SETBP1: variants seen among roughly 807,000 people sequenced by gnomAD.
SETBP1 encodes the protein SET binding protein 1.
SETBP1 carries 9 observed loss-of-function variants against 101.0 expected under a neutral mutation model. The ratio of observed to expected loss-of-function variants is 0.09; its 90% CI spans 0.05 to 0.16. The LOEUF (loss-of-function observed/expected upper bound fraction) is 0.16, where lower values mean the gene tolerates loss of function less well. SETBP1 is among the 10% of genes least tolerant of loss of function. SETBP1 has a pLI of 1.00. For synonymous variants in SETBP1, 818 were observed against 788.5 expected, an observed-to-expected ratio of 1.04 and a Z score of -0.63; for missense variants, 1,858 against 2,033.8, an observed-to-expected ratio of 0.91 and a Z score of 1.66.
intron 4 of SETBP1, among the ~76,000 whole-genome samples, chr18:45,011,478 A>G (rs1041929615): frequency 1.3e-5 from 2 of 152,236 alleles, no homozygotes; most frequent in Non-Finnish European, 2.9e-5. Context: ...CTCAGTGGAA[A>G]TCACCATGCT....
chr18:44,936,016 G>T (rs1444747385), intron 3 of SETBP1, among the ~76,000 whole-genome samples: 1 of 152,218 alleles, frequency 6.6e-6, no homozygotes, highest in Non-Finnish European at 1.5e-5. Flanking sequence ...CAAAGCCTCA[G>T]TGAAGAATAG....
Position 45,048,559 on chromosome 18 carries a change from G to A in SETBP1, c.4171+9904G>A, listed in dbSNP as rs16978260. ...GTCCAAGTCCCCTACCCTTGAGGGC[G>A]TTAGTGGCTATATCAAGCTCATCTT... On this transcript the variant is annotated intron_variant, in intron 5 of 5. Transcript: ENST00000649279. 8.1e-3 allele frequency among the ~76,000 whole-genome samples: 1,236 copies of A among 152,156 alleles called. 21 individuals carry two copies. The highest frequency in any genetic ancestry group is 0.028 in the African/African-American group (1,157 of 41,508).
rs181550276 is a variant in SETBP1, at chr18:45,027,896, G to C, written c.4001-10589G>C. On this transcript the variant is annotated intron_variant, in intron 4 of 5. Transcript: ENST00000649279. ...ACTGTAGGAGATAATCCATTTCCTT[G>C]TTTTCTAGCTTCTAGATGCCATCTG... Among the ~76,000 whole-genome samples the C allele has an allele frequency of 5.3e-5, 8 of 152,230 alleles. No individual in the cohort carries two copies. The East Asian group carries it at 1.5e-3, about 29-fold the overall frequency.
intron 2 of SETBP1, among the ~76,000 whole-genome samples, chr18:44,818,127 T>C (rs1397278776): frequency 6.6e-6 from 1 of 152,222 alleles, no homozygotes; most frequent in Non-Finnish European, 1.5e-5. Context: ...TCCAGGAAGC[T>C]GCAAGTCAGG....
chr18:44,921,884 C>T (rs2144937096), intron 3 of SETBP1, among the ~76,000 whole-genome samples: 1 of 152,278 alleles, frequency 6.6e-6, no homozygotes, highest in South Asian at 2.1e-4. Flanking sequence ...CAGCAAATGG[C>T]TTTCCAGGGC....
intron 1 of SETBP1, among the ~76,000 whole-genome samples, chr18:44,694,972 A>G (rs2068991497): frequency 6.6e-6 from 1 of 152,238 alleles, no homozygotes; most frequent in Non-Finnish European, 1.5e-5. Flanking sequence ...AATCAGCTGA[A>G]AAGTGGATGC....
chr18:45,040,010 G>A (rs372424170), intron 5 of SETBP1, among the ~76,000 whole-genome samples: 48 of 152,134 alleles, frequency 3.2e-4, no homozygotes, highest in Admixed American at 2.5e-3. Context: ...GCCTTGCATT[G>A]ACCAATGTGC....
intron 2 of SETBP1, among the ~76,000 whole-genome samples, chr18:44,781,618 T>C (rs933328062): frequency 2.0e-5 from 3 of 152,070 alleles, no homozygotes; most frequent in African/African-American, 7.2e-5. Context: ...TAATCAATGT[T>C]TGAGGAATGA....
chr18:44,845,167 G>A (rs972046091), intron 2 of SETBP1, among the ~76,000 whole-genome samples: 6 of 152,268 alleles, frequency 3.9e-5, no homozygotes, highest in East Asian at 3.9e-4. Flanking sequence ...ACTCAGAGCC[G>A]AAGAGGTTTG....
chr18:44,885,857 C>CAAAAAAAAAAAA lies in SETBP1; in HGVS notation c.540+16585_540+16586insAAAAAAAAAAAA, dbSNP rs1555696149. On this transcript the variant is annotated intron_variant, in intron 3 of 5. Transcript: ENST00000649279. ...CCCATTTCATTAAAAAAAAAAAAAA[C>CAAAAAAAAAAAA]AAAAAAAAAAACAAGGTGACTTACC... Among the ~76,000 whole-genome samples the CAAAAAAAAAAAA allele has an allele frequency of 5.1e-5, 4 of 78,164 alleles. 1 individual carries two copies. Among genetic ancestry groups the CAAAAAAAAAAAA allele is most frequent in the Admixed American group, 2.9e-4 (2 of 6,800 alleles). 51.3% of individuals were successfully genotyped at this position (78,164 alleles called of 152,430 possible).
intron 2 of SETBP1, among the ~76,000 whole-genome samples, chr18:44,722,098 G>A (rs2069611180): frequency 6.6e-6 from 1 of 152,196 alleles, no homozygotes; most frequent in South Asian, 2.1e-4. Context: ...TTGCCAACTA[G>A]AGGGTATCTG....
chr18:44,688,037 G>A (rs1432692683), intron 1 of SETBP1, among the ~76,000 whole-genome samples: 2 of 152,178 alleles, frequency 1.3e-5, no homozygotes, highest in Non-Finnish European at 2.9e-5. Context: ...TTGGCCTAAG[G>A]TGCTGTAAAA....
At chr18:44,964,041 G>A (rs1409115352) in intron 4 of SETBP1, among the ~76,000 whole-genome samples, 1 of 150,066 alleles carries the variant, frequency 6.7e-6, no homozygotes, top group Admixed American at 6.7e-5. Flanking sequence ...TTGGGAAGTT[G>A]TTAGAGTGGA....
chr18:44,914,762 C>T (rs556322934), intron 3 of SETBP1, among the ~76,000 whole-genome samples: 1 of 152,014 alleles, frequency 6.6e-6, no homozygotes, highest in African/African-American at 2.4e-5. Flanking sequence ...AGATGAAGTA[C>T]TATAGGAACA....
chr18:44,762,591 A>T (rs569407615), intron 2 of SETBP1, among the ~76,000 whole-genome samples: 1 of 152,308 alleles, frequency 6.6e-6, no homozygotes, highest in Admixed American at 6.5e-5. Context: ...GAAAGGGAAG[A>T]TGTAATTATT....
intron 3 of SETBP1, among the ~76,000 whole-genome samples, chr18:44,908,102 C>T (rs1412122623): frequency 1.3e-5 from 2 of 151,588 alleles, no homozygotes. Context: ...GCTCTGACAC[C>T]TGGGCTGGAG....
chr18:44,829,077 A>G (rs1387109716), intron 2 of SETBP1, among the ~76,000 whole-genome samples: 1 of 152,230 alleles, frequency 6.6e-6, no homozygotes, highest in Non-Finnish European at 1.5e-5. Context: ...AGAGTGAAAA[A>G]CAGTGAAAGT....
At chr18:44,704,669 A>C (rs2069181303) in intron 2 of SETBP1, among the ~76,000 whole-genome samples, 1 of 152,262 alleles carries the variant, frequency 6.6e-6, no homozygotes, top group South Asian at 2.1e-4. Flanking sequence ...GAGAGTAAGC[A>C]AAGGCTAAAG....
intron 2 of SETBP1, among the ~76,000 whole-genome samples, chr18:44,826,323 G>T (rs2072236694): frequency 6.6e-6 from 1 of 152,106 alleles, no homozygotes; most frequent in African/African-American, 2.4e-5. Flanking sequence ...GTCAGTCCCT[G>T]GCCCTCGCAC....
Sources: allele counts gnomAD v4.1 joint callset (sites outside exome capture counted in the v4.1 genomes callset), GRCh38; gene constraint gnomAD v4.1.1; transcripts MANE v1.5; gene names NCBI Gene and HGNC (gene_info 2026-07-23, HGNC 2026-07-21).